Variants in EAPP observed in about 807,000 individuals in gnomAD.
EAPP encodes E2F associated phosphoprotein.
A neutral mutation model predicts 34.3 loss-of-function variants in EAPP; 38 were observed. The ratio of observed to expected loss-of-function variants is 1.11; its 90% CI spans 0.85 to 1.45. The LOEUF (loss-of-function observed/expected upper bound fraction) is 1.45. EAPP is among the 40% of genes most tolerant of loss of function. The pLI, the probability that EAPP is intolerant of heterozygous loss-of-function variation, is 0.00. For synonymous variants in EAPP, 113 were observed against 117.6 expected (o/e 0.96, Z 0.25); for missense variants, 338 against 343.7 (o/e 0.98, Z 0.13).
intron 3 of EAPP, among the ~76,000 whole-genome samples, chr14:34,529,840 A>C (rs1446002177): frequency 6.6e-6 from 1 of 152,054 alleles, no homozygotes; most frequent in East Asian, 1.9e-4. Context: ...ACATGGTGAA[A>C]CCGCCTCTCT....
At chr14:34,524,653 ATGTATG>A in intron 5 of EAPP, 38 bp downstream of exon 5, 8 of 874,138 alleles carry the variant, frequency 9.2e-6, no homozygotes, top group South Asian at 4.6e-5. Flanking sequence ...TAAACAAAAT[ATGTATG>A]TGTGTGTGTG....
intron 4 of EAPP, among the ~76,000 whole-genome samples, chr14:34,528,879 G>A (rs901024687): frequency 6.6e-6 from 1 of 151,824 alleles, no homozygotes; most frequent in African/African-American, 2.4e-5. Flanking sequence ...GCTCAAGCCT[G>A]TAATCCCAGC....
At chr14:34,529,677 C>G (rs1400360740) in intron 3 of EAPP, among the ~76,000 whole-genome samples, 1 of 152,014 alleles carries the variant, frequency 6.6e-6, no homozygotes, top group African/African-American at 2.4e-5. Context: ...GTCAGGAGAT[C>G]GAGACCAGCC....
At position 34,516,517 on chromosome 14, in the gene EAPP, A is replaced by G. The variant is rs1176453173; in HGVS notation, c.651T>C (p.Val217=). Residue 217 remains valine (V), a synonymous_variant, in exon 6 of 6, where the codon GTT becomes GTC. Coordinates refer to ENST00000250454, the MANE Select transcript of EAPP (RefSeq NM_018453.4). ...VMNCSINKEE[V]LRYKASENRK... ...TGTTCTCTGAGGCTTTATATCTTAGAACCTCCTCTTTGTTAATAGAACAAT... is the reference window on the plus strand; with the variant it reads ...TGTTCTCTGAGGCTTTATATCTTAGGACCTCCTCTTTGTTAATAGAACAAT... 1 of 1,613,994 alleles carries G rather than the reference A, an allele frequency of 6.2e-7. No homozygotes were observed. The highest frequency in any genetic ancestry group is 8.5e-7 in the Non-Finnish European group (1 of 1,180,016).
At chr14:34,518,534 T>C (rs1566444298) in intron 5 of EAPP, among the ~76,000 whole-genome samples, 1 of 151,416 alleles carries the variant, frequency 6.6e-6, no homozygotes, top group Non-Finnish European at 1.5e-5. Context: ...GGTTTCACCA[T>C]GTTGGCCAGG....
intron 4 of EAPP, among the ~76,000 whole-genome samples, chr14:34,527,478 A>G (rs1035616705): frequency 6.6e-6 from 1 of 151,992 alleles, no homozygotes; most frequent in Non-Finnish European, 1.5e-5. Context: ...ACTGTGAGCT[A>G]TAACTGCACC....
At chr14:34,524,489 G>A (rs779317268) in intron 5 of EAPP, among the ~76,000 whole-genome samples, 44 of 151,780 alleles carry the variant, frequency 2.9e-4, no homozygotes, top group Non-Finnish European at 5.9e-4. Context: ...GGTGGTGGCC[G>A]CTTGTAATCC....
chr14:34,531,753 T>C (rs1246036674), intron 3 of EAPP, among the ~76,000 whole-genome samples: 1 of 152,130 alleles, frequency 6.6e-6, no homozygotes, highest in Non-Finnish European at 1.5e-5. Flanking sequence ...TAGCTCTTGT[T>C]ATGTTCAACT....
rs371175116 is a variant in EAPP at position 34,539,620 on chromosome 14, C to G, written c.9G>C (p.Arg3=). 3.0e-5 allele frequency: 47 copies of G among 1,574,000 alleles called. No homozygotes were observed. The highest frequency in any genetic ancestry group is 4.1e-5 in the Non-Finnish European group (47 of 1,158,366). The change falls in exon 1 of 6, where the codon CGG becomes CGC. Residue 3 remains arginine, a synonymous_variant. Coordinates refer to ENST00000250454, the MANE Select transcript of EAPP (RefSeq NM_018453.4). Reference sequence around the variant, plus strand: ...CGTAGGGGTCGTAGTCATCCGGAAGCCGGTTCATGGTGGCCTGCAGCGGCC... The same window carrying G: ...CGTAGGGGTCGTAGTCATCCGGAAGGCGGTTCATGGTGGCCTGCAGCGGCC... MN[R]LPDDYDPYAV...
chr14:34,522,471 T>C (rs546520843), intron 5 of EAPP, among the ~76,000 whole-genome samples: 5 of 152,338 alleles, frequency 3.3e-5, no homozygotes, highest in South Asian at 4.1e-4. Flanking sequence ...TTCCATTTGC[T>C]ACTGTGTCTT....
Position 34,529,460 on chromosome 14 carries a change from T to TC in EAPP, c.367_368insG (p.Lys123ArgfsTer13). On this transcript the variant is annotated frameshift_variant, in exon 4 of 6. Coordinates refer to ENST00000250454, the MANE Select transcript of EAPP (RefSeq NM_018453.4). LOFTEE classifies it high-confidence loss of function. ...AATCTTGTGTTGTTTCTTCTTTTTT[T>TC]TCTTGGTCACCTGTACTAATTTTGA... 1 of 1,611,102 alleles carries TC rather than the reference T, an allele frequency of 6.2e-7. No individual in the cohort carries two copies. The highest frequency in any genetic ancestry group is 8.5e-7 in the Non-Finnish European group (1 of 1,178,982).
chr14:34,526,385 G>A (rs977320098), intron 4 of EAPP, among the ~76,000 whole-genome samples: 9 of 151,702 alleles, frequency 5.9e-5, no homozygotes, highest in Admixed American at 2.6e-4. Context: ...CCGAAATTGC[G>A]ATACTGCACT....
chr14:34,539,381 C>A, intron 1 of EAPP, 174 bp downstream of exon 1: 1 of 731,668 alleles, frequency 1.4e-6, no homozygotes, highest in Non-Finnish European at 2.4e-6. Flanking sequence ...CACCGCCTCC[C>A]CCCGGGACTG....
intron 1 of EAPP, among the ~76,000 whole-genome samples, chr14:34,538,144 G>A (rs1174141447): frequency 6.6e-6 from 1 of 152,136 alleles, no homozygotes; most frequent in African/African-American, 2.4e-5. Flanking sequence ...TTGGGAGCCC[G>A]ACGCAGGCAG....
At chr14:34,522,947 T>G (rs1879967092) in intron 5 of EAPP, among the ~76,000 whole-genome samples, 1 of 152,194 alleles carries the variant, frequency 6.6e-6, no homozygotes, top group Non-Finnish European at 1.5e-5. Context: ...GGTTGTACAC[T>G]TCCATCTTAC....
Position 34,529,476 on chromosome 14 carries a change from C to G in EAPP, c.353-1G>C. 3 of 1,596,956 alleles carry G rather than the reference C, an allele frequency of 1.9e-6. No homozygotes were observed. Among genetic ancestry groups the G allele is most frequent in the Non-Finnish European group, 2.6e-6 (3 of 1,168,288 alleles). ...TTCTTTTTTTTCTTGGTCACCTGTA[C>G]TAATTTTGAAAATATTAGGATATGG... is the stretch of plus-strand genomic sequence containing the variant. On this transcript the variant is annotated splice_acceptor_variant, in intron 3 of 5. Coordinates refer to ENST00000250454, the MANE Select transcript of EAPP (RefSeq NM_018453.4). LOFTEE classifies it high-confidence loss of function.
At chr14:34,524,909 G>A in intron 4 of EAPP, 102 bp from the exon 5 acceptor site, 1 of 846,758 alleles carries the variant, frequency 1.2e-6, no homozygotes, top group Non-Finnish European at 1.9e-6. Context: ...TCAGAGAAAT[G>A]GCTAATTCTA....
intron 4 of EAPP, among the ~76,000 whole-genome samples, chr14:34,525,448 T>C (rs1166265535): frequency 5.9e-5 from 9 of 152,028 alleles, no homozygotes; most frequent in Non-Finnish European, 1.3e-4. Flanking sequence ...ACTTCTATGT[T>C]CTTACTTATA....
At chr14:34,535,631 A>C (rs1880446229) in intron 2 of EAPP, among the ~76,000 whole-genome samples, 1 of 147,234 alleles carries the variant, frequency 6.8e-6, no homozygotes. Context: ...ACAGGGTTTC[A>C]CCGTGTTAGC....
Sources: gnomAD v4.1 joint callset for allele counts (sites outside exome capture counted in the v4.1 genomes callset) on GRCh38, gnomAD v4.1.1 for gene constraint, MANE v1.5 for transcripts, NCBI Gene and HGNC (gene_info 2026-07-23, HGNC 2026-07-21) for gene names.